RNF150: variants seen among roughly 807,000 people sequenced by gnomAD.
The protein encoded by RNF150 is ring finger protein 150.
A neutral mutation model predicts 39.3 loss-of-function variants in RNF150; 24 were observed. The observed-to-expected ratio is 0.61, with a 90% CI of 0.44 to 0.86. RNF150 has a LOEUF of 0.86. RNF150 is among the 40% of genes least tolerant of loss of function. RNF150 has a pLI of 0.00. For synonymous variants in RNF150, 255 were observed against 227.3 expected, an observed-to-expected ratio of 1.12 and a Z score of -1.10; for missense variants, 502 against 587.8, an observed-to-expected ratio of 0.85 and a Z score of 1.51.
At chr4:140,910,989 G>A in intron 6 of RNF150, 155 bp downstream of exon 6, 4 of 657,488 alleles carry the variant, frequency 6.1e-6, no homozygotes, top group Non-Finnish European at 1.0e-5. Flanking sequence ...CTCTAGGAAA[G>A]GCAGTTCTTC....
intron 1 of RNF150, among the ~76,000 whole-genome samples, chr4:141,046,165 T>G (rs1166896198): frequency 6.6e-6 from 1 of 152,174 alleles, no homozygotes; most frequent in Non-Finnish European, 1.5e-5. Context: ...AAGATTCAGC[T>G]TGACAAACAA....
chr4:141,174,871 T>G (rs894486172), intron 1 of RNF150, among the ~76,000 whole-genome samples: 1 of 144,140 alleles, frequency 6.9e-6, no homozygotes, highest in Non-Finnish European at 1.5e-5. Flanking sequence ...AGTGGTTACC[T>G]GGAATCCTGT....
At chr4:141,170,256 G>C (rs1727687854) in intron 1 of RNF150, among the ~76,000 whole-genome samples, 1 of 152,116 alleles carries the variant, frequency 6.6e-6, no homozygotes, top group South Asian at 2.1e-4. Context: ...ATTGACGAAT[G>C]CTCTTTGGAC....
chr4:141,083,329 C>G (rs1296717516), intron 1 of RNF150, among the ~76,000 whole-genome samples: 2 of 152,174 alleles, frequency 1.3e-5, no homozygotes, highest in African/African-American at 4.8e-5. Flanking sequence ...TAACCATACT[C>G]AAAAAATAAT....
Position 141,000,014 on chromosome 4 carries a change from G to GAA in RNF150, c.485-32143_485-32142dup, listed in dbSNP as rs1419117767. ...AAGAAAAGAAGAAGAAGAAGAAGAA[G>GAA]AAGAAGAAGAAGAAGAAGAAGAAGA... is the stretch of plus-strand genomic sequence containing the variant. On this transcript the variant is annotated intron_variant, in intron 1 of 6. Coordinates refer to ENST00000515673, the MANE Select transcript of RNF150 (RefSeq NM_020724.2). Among the ~76,000 whole-genome samples, 294 of 32,324 alleles carry GAA rather than the reference G, an allele frequency of 9.1e-3. 14 individuals carry two copies. Among genetic ancestry groups the GAA allele is most frequent in the Middle Eastern group, 0.013 (1 of 78 alleles). 21.2% of individuals were successfully genotyped at this position (32,324 alleles called of 152,430 possible).
chr4:140,881,299 A>G (rs765852857), intron 6 of RNF150, among the ~76,000 whole-genome samples: 33 of 151,906 alleles, frequency 2.2e-4, no homozygotes, highest in Non-Finnish European at 4.3e-4. Flanking sequence ...AGTAGCTGGG[A>G]CTAGAGGCAT....
intron 1 of RNF150, among the ~76,000 whole-genome samples, chr4:141,062,282 CAT>C (rs1578683866): frequency 1.3e-5 from 2 of 152,006 alleles, no homozygotes; most frequent in African/African-American, 4.8e-5. Context: ...CTGTATTATA[CAT>C]GTCTGTATTA....
intron 1 of RNF150, among the ~76,000 whole-genome samples, chr4:141,002,236 G>A (rs1195704285): frequency 1.3e-5 from 2 of 150,890 alleles, no homozygotes; most frequent in Non-Finnish European, 3.0e-5. Flanking sequence ...TTTTACCAGG[G>A]TTTTCCTAGA....
At chr4:141,071,812 T>C (rs1440353658) in intron 1 of RNF150, among the ~76,000 whole-genome samples, 1 of 152,202 alleles carries the variant, frequency 6.6e-6, no homozygotes, top group African/African-American at 2.4e-5. Flanking sequence ...CAGAAAATCT[T>C]GACAGCACTG....
chr4:141,193,774 C>T (rs917178063), intron 1 of RNF150, among the ~76,000 whole-genome samples: 1 of 152,148 alleles, frequency 6.6e-6, no homozygotes, highest in African/African-American at 2.4e-5. Flanking sequence ...CACAGAGATG[C>T]TTAGCAAGCG....
At chr4:141,064,360 G>A (rs775003046) in intron 1 of RNF150, among the ~76,000 whole-genome samples, 13 of 152,118 alleles carry the variant, frequency 8.5e-5, no homozygotes, top group Non-Finnish European at 1.3e-4. Context: ...GTATGTTTCC[G>A]CTTTGGCCTA....
chr4:141,067,079 T>C (rs1193159776), intron 1 of RNF150, among the ~76,000 whole-genome samples: 3 of 152,198 alleles, frequency 2.0e-5, no homozygotes, highest in Non-Finnish European at 4.4e-5. Flanking sequence ...TAGGGTATTA[T>C]AATCTTATGG....
intron 1 of RNF150, among the ~76,000 whole-genome samples, chr4:141,085,090 G>A (rs889023387): frequency 6.6e-6 from 1 of 152,146 alleles, no homozygotes; most frequent in African/African-American, 2.4e-5. Flanking sequence ...AGAAAAAGAG[G>A]TTTAATGGAC....
At chr4:141,024,226 C>T (rs1467234945) in intron 1 of RNF150, among the ~76,000 whole-genome samples, 3 of 152,024 alleles carry the variant, frequency 2.0e-5, no homozygotes, top group Admixed American at 2.0e-4. Context: ...AGTGTTACCA[C>T]AGTGAAATAC....
chr4:140,876,944 G>A (rs986632157), intron 6 of RNF150, among the ~76,000 whole-genome samples: 27 of 152,116 alleles, frequency 1.8e-4, no homozygotes, highest in African/African-American at 4.8e-4. Flanking sequence ...TACATCTTGC[G>A]GTCAAATTAG....
intron 1 of RNF150, among the ~76,000 whole-genome samples, chr4:141,198,033 CT>C (rs143206387): frequency 0.28 from 39,339 of 139,246 alleles, 5,274 homozygotes; most frequent in African/African-American, 0.38. Context: ...TAGACCACTC[CT>C]TTTTTTTTTT....
At chr4:141,052,524 C>T (rs575929825) in intron 1 of RNF150, among the ~76,000 whole-genome samples, 7 of 152,040 alleles carry the variant, frequency 4.6e-5, no homozygotes, top group African/African-American at 1.2e-4. Context: ...TATAGGCATG[C>T]GCCACCATGC....
intron 1 of RNF150, among the ~76,000 whole-genome samples, chr4:141,098,135 C>G (rs923040486): frequency 6.6e-6 from 1 of 152,216 alleles, no homozygotes; most frequent in African/African-American, 2.4e-5. Context: ...TGCCTTTGAT[C>G]ACATTTTCTC....
intron 1 of RNF150, among the ~76,000 whole-genome samples, chr4:141,080,782 T>C (rs1483778904): frequency 1.3e-5 from 2 of 152,090 alleles, no homozygotes; most frequent in Non-Finnish European, 2.9e-5. Context: ...ATTGGAGATA[T>C]TAGGATTCTG....
Sources: gnomAD v4.1 joint callset for allele counts (sites outside exome capture counted in the v4.1 genomes callset) on GRCh38, gnomAD v4.1.1 for gene constraint, MANE v1.5 for transcripts, NCBI Gene and HGNC (gene_info 2026-07-23, HGNC 2026-07-21) for gene names.